TBC1D5: variants seen among roughly 807,000 people sequenced by gnomAD.
The protein encoded by TBC1D5 is TBC1 domain family, member 5.
TBC1D5 carries 75 observed loss-of-function variants against 100.3 expected under a neutral mutation model. That is an observed-to-expected ratio of 0.75 (90% CI 0.62 to 0.91). The LOEUF is 0.91. TBC1D5 is among the 40% of genes least tolerant of loss of function. The pLI is 0.00. For synonymous variants in TBC1D5, 323 were observed against 325.6 expected, an observed-to-expected ratio of 0.99 and a Z score of 0.09; for missense variants, 910 against 942.4, an observed-to-expected ratio of 0.97 and a Z score of 0.45.
chr3:17,421,686 C>G (rs112982224), intron 4 of TBC1D5, among the ~76,000 whole-genome samples: 2 of 152,128 alleles, frequency 1.3e-5, no homozygotes, highest in African/African-American at 4.8e-5. Context: ...CAGTTATGCT[C>G]TCTACAACTC....
chr3:17,363,490 A>C (rs539934307), intron 13 of TBC1D5, among the ~76,000 whole-genome samples: 4 of 150,770 alleles, frequency 2.7e-5, no homozygotes, highest in Non-Finnish European at 4.4e-5. Context: ...GACAGGGTCT[A>C]CTCCCAGGTC....
intron 4 of TBC1D5, among the ~76,000 whole-genome samples, chr3:17,410,104 A>G (rs1203775072): frequency 6.6e-6 from 1 of 152,106 alleles, no homozygotes; most frequent in Non-Finnish European, 1.5e-5. Flanking sequence ...TTGTTACAGG[A>G]TAATGCAGCT....
At chr3:17,356,856 A>AG (rs1171302535) in intron 13 of TBC1D5, among the ~76,000 whole-genome samples, 17 of 152,190 alleles carry the variant, frequency 1.1e-4, no homozygotes, top group Admixed American at 9.8e-4. Flanking sequence ...ACTTTCTTCT[A>AG]GAAGGCAGAC....
At chr3:17,377,868 A>G (rs79317707) in intron 9 of TBC1D5, among the ~76,000 whole-genome samples, 168 of 152,076 alleles carry the variant, frequency 1.1e-3, no homozygotes, top group African/African-American at 3.9e-3. Context: ...AGGACAAATG[A>G]CCACATATCA....
intron 18 of TBC1D5, among the ~76,000 whole-genome samples, chr3:17,207,591 T>C (rs1277151587): frequency 6.6e-6 from 1 of 152,194 alleles, no homozygotes; most frequent in East Asian, 1.9e-4. Context: ...TATGGCCAAA[T>C]CATGGGCATT....
chr3:17,296,133 T>C (rs1374938951), intron 14 of TBC1D5, among the ~76,000 whole-genome samples: 1 of 152,090 alleles, frequency 6.6e-6, no homozygotes, highest in Non-Finnish European at 1.5e-5. Context: ...TATTTAGAAA[T>C]AGGCATAAAT....
At chr3:17,480,143 C>A (rs1259088829) in intron 3 of TBC1D5, among the ~76,000 whole-genome samples, 2 of 152,222 alleles carry the variant, frequency 1.3e-5, no homozygotes, top group Non-Finnish European at 2.9e-5. Context: ...GTCATGCCGG[C>A]CCCCTGCCAC....
intron 13 of TBC1D5, among the ~76,000 whole-genome samples, 167 bp downstream of exon 13, chr3:17,371,908 G>A (rs961556448): frequency 6.6e-5 from 10 of 152,008 alleles, no homozygotes; most frequent in African/African-American, 2.2e-4. Flanking sequence ...TTGGTGGCAC[G>A]CGTCTGTGGT....
At chr3:17,320,423 C>T (rs766339697) in intron 13 of TBC1D5, among the ~76,000 whole-genome samples, 10 of 152,170 alleles carry the variant, frequency 6.6e-5, no homozygotes, top group Admixed American at 3.3e-4. Flanking sequence ...CTGATGCAAG[C>T]TCAAGTTTGA....
At chr3:17,740,724 TTGA>T (rs2077358917) in exon 1 of TBC1D5, 1 of 152,200 alleles carries the variant, frequency 6.6e-6, no homozygotes, top group South Asian at 2.1e-4. Context: ...GAGGCCGCAT[TTGA>T]GAGCACACAC....
chr3:17,689,476 C>A (rs1206932505), intron 1 of TBC1D5, among the ~76,000 whole-genome samples: 1 of 145,856 alleles, frequency 6.9e-6, no homozygotes, highest in Non-Finnish European at 1.5e-5. Context: ...AAGGTCAAGG[C>A]TGCAGTGGGC....
intron 16 of TBC1D5, among the ~76,000 whole-genome samples, chr3:17,254,250 T>C (rs76066320): frequency 6.6e-6 from 1 of 152,240 alleles, no homozygotes; most frequent in African/African-American, 2.4e-5. Context: ...TAAACTGCTA[T>C]ATTACAGGAT....
chr3:17,238,484 A>G, intron 16 of TBC1D5, 65 bp from the exon 17 acceptor site: 1 of 1,534,550 alleles, frequency 6.5e-7, no homozygotes, highest in South Asian at 1.3e-5. Flanking sequence ...CACATAATTA[A>G]TTGGTATAAA....
At chr3:17,733,762 A>C (rs2076748550) in intron 1 of TBC1D5, among the ~76,000 whole-genome samples, 1 of 152,138 alleles carries the variant, frequency 6.6e-6, no homozygotes, top group African/African-American at 2.4e-5. Context: ...ATTAATCATG[A>C]AAAAACCCTT....
At chr3:17,247,512 T>C (rs2076834454) in intron 16 of TBC1D5, among the ~76,000 whole-genome samples, 1 of 152,242 alleles carries the variant, frequency 6.6e-6, no homozygotes, top group Non-Finnish European at 1.5e-5. Flanking sequence ...TTAAGCTTTT[T>C]GCTGATGGAG....
chr3:17,434,146 C>T (rs1298746822), intron 3 of TBC1D5, among the ~76,000 whole-genome samples: 1 of 152,168 alleles, frequency 6.6e-6, no homozygotes, highest in African/African-American at 2.4e-5. Flanking sequence ...ACTGAATTTA[C>T]CATTCTAGGG....
intron 13 of TBC1D5, chr3:17,338,722 T>C (rs1458404580): frequency 6.6e-6 from 1 of 152,246 alleles, no homozygotes; most frequent in East Asian, 1.9e-4. Flanking sequence ...GGAACACTAG[T>C]ATGTAGTACC....
At chr3:17,242,772 A>G (rs983979513) in intron 16 of TBC1D5, among the ~76,000 whole-genome samples, 1 of 152,070 alleles carries the variant, frequency 6.6e-6, no homozygotes, top group African/African-American at 2.4e-5. Flanking sequence ...AAGTGGGAAA[A>G]TGTTCTGATT....
chr3:17,176,700 G>A (rs1481602783), intron 19 of TBC1D5, among the ~76,000 whole-genome samples: 1 of 151,792 alleles, frequency 6.6e-6, no homozygotes, highest in African/African-American at 2.4e-5. Flanking sequence ...ACCTAATGTA[G>A]ATGATGGGTT....
Sources: allele counts gnomAD v4.1 joint callset (sites outside exome capture counted in the v4.1 genomes callset), GRCh38; gene constraint gnomAD v4.1.1; transcripts MANE v1.5; gene names NCBI Gene and HGNC (gene_info 2026-07-23, HGNC 2026-07-21).